The following MAP3K21 variants were observed in gnomAD, a reference collection of about 807,000 sequenced individuals.
MAP3K21 encodes mitogen-activated protein kinase kinase kinase 21.
Under a neutral mutation model 86.1 loss-of-function variants are expected in MAP3K21, and 63 were observed. The observed-to-expected ratio is 0.73, with a 90% CI of 0.60 to 0.90. The LOEUF (loss-of-function observed/expected upper bound fraction) is 0.90, where lower values mean the gene tolerates loss of function less well. MAP3K21 is among the 40% of genes least tolerant of loss of function. The probability of loss-of-function intolerance (pLI) is 0.00; values close to 1 mark genes in which losing one functional copy is unlikely to be tolerated. For synonymous variants in MAP3K21, 558 were observed against 564.8 expected (o/e 0.99, Z 0.17); for missense variants, 1,220 against 1,367.7 (o/e 0.89, Z 1.70).
At position 233,339,380 on chromosome 1, in the gene MAP3K21, T is replaced by C. The variant is rs1294272; in HGVS notation, c.806-7062T>C. ...TTCTCCTTCTCCTCCTTCTCCTTCT[T>C]CTCCTTCTTCTCCTCCTTCTCCTCC... On this transcript the variant is annotated intron_variant, in intron 1 of 9. Coordinates refer to ENST00000366624, the MANE Select transcript of MAP3K21 (RefSeq NM_032435.3). Among the ~76,000 whole-genome samples the C allele has an allele frequency of 8.4e-3, 423 of 50,608 alleles. 19 individuals are homozygous for C. Among genetic ancestry groups the C allele is most frequent in the South Asian group, 9.5e-3 (13 of 1,362 alleles). 33.2% of individuals were successfully genotyped at this position (50,608 alleles called of 152,430 possible).
chr1:233,329,262 G>A (rs2102755509), intron 1 of MAP3K21, among the ~76,000 whole-genome samples: 1 of 152,170 alleles, frequency 6.6e-6, no homozygotes, highest in East Asian at 1.9e-4. Context: ...TGCACTCGGG[G>A]ACGTCAACTT....
chr1:233,331,203 C>T (rs937153377), intron 1 of MAP3K21, among the ~76,000 whole-genome samples: 5 of 152,144 alleles, frequency 3.3e-5, no homozygotes, highest in South Asian at 4.1e-4. Flanking sequence ...CCAAACTTCC[C>T]GGAGTATTTT....
chr1:233,347,843 C>G (rs539213798), intron 2 of MAP3K21, among the ~76,000 whole-genome samples: 2 of 152,032 alleles, frequency 1.3e-5, no homozygotes, highest in Admixed American at 1.3e-4. Flanking sequence ...CACGACATAC[C>G]CAGGTAATAC....
chr1:233,382,511 A>C lies in MAP3K21; in HGVS notation c.2911A>C (p.Thr971Pro). Residue 971 changes from threonine to proline, a missense_variant, in exon 10 of 10, where the codon ACT (threonine) becomes CCT (proline). Physicochemically the swap from Thr to Pro is conservative, Grantham distance 38. Transcript: ENST00000366624. ...PQTAVSQLAQ[T>P]ACVVGRPGPH... ...GACAGCAGTGTCTCAGCTGGCACAG[A>C]CTGCCTGTGTAGTGGGTCGCCCAGG... The C allele has an allele frequency of 6.2e-7, 1 of 1,614,144 alleles. No individual in the cohort carries two copies. The highest frequency in any genetic ancestry group is 1.1e-5 in the South Asian group (1 of 91,080).
intron 4 of MAP3K21, among the ~76,000 whole-genome samples, chr1:233,360,568 A>G (rs1663448740): frequency 6.6e-6 from 1 of 152,258 alleles, no homozygotes; most frequent in South Asian, 2.1e-4. Flanking sequence ...ATTCGTAATC[A>G]GTTTGACCTG....
At chr1:233,338,225 T>C (rs1662952570) in intron 1 of MAP3K21, among the ~76,000 whole-genome samples, 1 of 152,244 alleles carries the variant, frequency 6.6e-6, no homozygotes, top group Non-Finnish European at 1.5e-5. Context: ...TGAAGTTCTG[T>C]TTTAGCTTAT....
chr1:233,328,148 G>A lies in MAP3K21; in HGVS notation c.120G>A (p.Ala40=), dbSNP rs775674753. Reference sequence around the variant, plus strand: ...CGGGCGGCTCGGCCTCGGCGGGCGCGGGGCTGTGGGCCGCGCTCTATGACT... The same window carrying A: ...CGGGCGGCTCGGCCTCGGCGGGCGCAGGGCTGTGGGCCGCGCTCTATGACT... ...TSSGGSASAG[A]GLWAALYDYE... is the part of the protein sequence containing the mutation. The change falls in exon 1 of 10, where the codon GCG becomes GCA. Residue 40 remains alanine (A), a synonymous_variant. Coordinates refer to ENST00000366624, the MANE Select transcript of MAP3K21 (RefSeq NM_032435.3). This position sits in a 1 kb window ranked among gnomAD's most constrained non-coding sequence, Gnocchi z 8.7. 19 of 1,436,202 alleles carry A rather than the reference G, an allele frequency of 1.3e-5. No homozygotes were observed. The African/African-American group carries it at 2.7e-4, about 20-fold the overall frequency. 89.0% of individuals were successfully genotyped at this position (1,436,202 alleles called of 1,614,324 possible). A position where few individuals can be genotyped will look rare whatever the true frequency, so the allele number is the denominator to read the frequency against.
chr1:233,371,897 C>G, intron 5 of MAP3K21, 141 bp from the exon 6 acceptor site: 2 of 789,778 alleles, frequency 2.5e-6, no homozygotes, highest in Non-Finnish European at 3.9e-6. Context: ...AAGTAAGAAA[C>G]CAAAATAAGA....
At position 233,327,991 on chromosome 1, in the gene MAP3K21, C is replaced by G. The variant is rs1409771368; in HGVS notation, c.-38C>G. ...CCCGCGGCCGCCCGGGAGGCTGAGCCCAGCTTCCCGCTCCGCCTTCCCCGC... is the reference window on the plus strand; with the variant it reads ...CCCGCGGCCGCCCGGGAGGCTGAGCGCAGCTTCCCGCTCCGCCTTCCCCGC... On this transcript the variant is annotated 5_prime_UTR_variant, in exon 1 of 10. Coordinates refer to ENST00000366624, the MANE Select transcript of MAP3K21 (RefSeq NM_032435.3). 1.7e-5 allele frequency: 21 copies of G among 1,246,956 alleles called. No homozygotes were observed. The highest frequency in any genetic ancestry group is 3.1e-5 in the African/African-American group (2 of 63,836). 77.2% of individuals were successfully genotyped at this position (1,246,956 alleles called of 1,614,324 possible). A position where few individuals can be genotyped will look rare whatever the true frequency, so the allele number is the denominator to read the frequency against.
chr1:233,369,986 C>T (rs1332085949), intron 5 of MAP3K21, among the ~76,000 whole-genome samples: 1 of 152,044 alleles, frequency 6.6e-6, no homozygotes, highest in African/African-American at 2.4e-5. Flanking sequence ...TCATGAGAGG[C>T]CTTTGAAGGA....
intron 4 of MAP3K21, among the ~76,000 whole-genome samples, chr1:233,358,265 A>G (rs926362152): frequency 1.3e-5 from 2 of 150,778 alleles, no homozygotes; most frequent in Admixed American, 1.3e-4. Flanking sequence ...TAGTCTCAGG[A>G]AAAAAAAAGA....
At chr1:233,331,945 C>T (rs1394697131) in intron 1 of MAP3K21, among the ~76,000 whole-genome samples, 1 of 152,142 alleles carries the variant, frequency 6.6e-6, no homozygotes, top group African/African-American at 2.4e-5. Flanking sequence ...AAATACTAGG[C>T]CCTGTAACTC....
At position 233,378,997 on chromosome 1, in the gene MAP3K21, T is replaced by C; in HGVS notation, c.1991T>C (p.Leu664Ser). The part of the protein sequence containing the change: ...LEHRKPKQIK[L>S]PSQAYIDLPL... ...CACAGAAAACCAAAACAAATAAAAT[T>C]GCCTAGTCAGGCCTACATTGATCTA... Residue 664 changes from leucine to serine, a missense_variant, in exon 9 of 10, where the codon TTG (leucine) becomes TCG (serine). Leu to Ser is a moderately radical substitution (Grantham distance 145). Coordinates refer to ENST00000366624, the MANE Select transcript of MAP3K21 (RefSeq NM_032435.3). The C allele has an allele frequency of 6.2e-7, 1 of 1,614,070 alleles. No individual in the cohort carries two copies. The highest frequency in any genetic ancestry group is 1.1e-5 in the South Asian group (1 of 91,068).
At chr1:233,347,561 AG>A (rs1478562170) in intron 2 of MAP3K21, among the ~76,000 whole-genome samples, 1 of 152,220 alleles carries the variant, frequency 6.6e-6, no homozygotes, top group Non-Finnish European at 1.5e-5. Flanking sequence ...CCATGAAAAG[AG>A]TGGAATCACG....
chr1:233,371,527 T>C (rs1403099242), intron 5 of MAP3K21, among the ~76,000 whole-genome samples: 1 of 151,958 alleles, frequency 6.6e-6, no homozygotes, highest in African/African-American at 2.4e-5. Context: ...TGCCGGCTAA[T>C]TTTTGTGTTT....
intron 1 of MAP3K21, among the ~76,000 whole-genome samples, chr1:233,339,252 C>G (rs1273958790): frequency 1.1e-4 from 8 of 69,662 alleles, no homozygotes; most frequent in African/African-American, 3.0e-4. Context: ...TCTTCTTCTT[C>G]TTCTTCTTCT....
chr1:233,372,275 A>C, intron 6 of MAP3K21, 115 bp downstream of exon 6: 10 of 1,171,306 alleles, frequency 8.5e-6, no homozygotes, highest in South Asian at 4.0e-5. Context: ...AGTGTAGGAC[A>C]TTTCGTAGGT....
intron 5 of MAP3K21, among the ~76,000 whole-genome samples, chr1:233,362,754 A>G (rs1012883581): frequency 6.6e-6 from 1 of 152,130 alleles, no homozygotes; most frequent in Non-Finnish European, 1.5e-5. Flanking sequence ...TCAATAAAAT[A>G]TATCAAGTAC....
chr1:233,369,436 C>T (rs1663643948), intron 5 of MAP3K21, among the ~76,000 whole-genome samples: 1 of 151,836 alleles, frequency 6.6e-6, no homozygotes, highest in South Asian at 2.1e-4. Context: ...TGGGAATTTA[C>T]CAAATACAGA....
Sources: allele counts gnomAD v4.1 joint callset (sites outside exome capture counted in the v4.1 genomes callset), GRCh38; gene constraint gnomAD v4.1.1; non-coding constraint Gnocchi (gnomAD v3.1); transcripts MANE v1.5; gene names NCBI Gene and HGNC (gene_info 2026-07-23, HGNC 2026-07-21).